Variants in STEAP1B observed in about 807,000 individuals in gnomAD.
The protein encoded by STEAP1B is STEAP family protein MGC87042.
In STEAP1B, 13 loss-of-function variants were observed where a neutral mutation model predicts 27.9. That is an observed-to-expected ratio of 0.47 (90% confidence interval 0.30 to 0.74). The LOEUF is 0.74. Among genes scored for constraint, STEAP1B ranks in the 30% least tolerant of loss-of-function variants. The pLI is 0.06. For synonymous variants in STEAP1B, 86 were observed against 107.1 expected, an observed-to-expected ratio of 0.80 and a Z score of 1.22; for missense variants, 250 against 298.7, an observed-to-expected ratio of 0.84 and a Z score of 1.20.
At chr7:22,495,955 C>CA (rs1452628045) in intron 1 of STEAP1B, among the ~76,000 whole-genome samples, 6 of 152,132 alleles carry the variant, frequency 3.9e-5, no homozygotes, top group African/African-American at 2.4e-5. Context: ...CTTCTACTTA[C>CA]AAAAAAAGAG....
At chr7:22,454,050 G>T (rs1309725893) in intron 4 of STEAP1B, among the ~76,000 whole-genome samples, 4 of 152,168 alleles carry the variant, frequency 2.6e-5, no homozygotes, top group Non-Finnish European at 5.9e-5. Flanking sequence ...CTTGGGTATT[G>T]TATCAGTCCA....
At chr7:22,437,175 A>G (rs750553532) in intron 4 of STEAP1B, among the ~76,000 whole-genome samples, 1 of 152,232 alleles carries the variant, frequency 6.6e-6, no homozygotes, top group Non-Finnish European at 1.5e-5. Flanking sequence ...TACATTATAA[A>G]CTATAGGCAC....
chr7:22,429,912 CAA>C (rs550380329), intron 4 of STEAP1B, among the ~76,000 whole-genome samples: 238 of 149,586 alleles, frequency 1.6e-3, no homozygotes, highest in Middle Eastern at 3.4e-3. Flanking sequence ...TAAAACCTTA[CAA>C]AAAAAAATGA....
At chr7:22,484,585 A>C (rs1298876139) in intron 4 of STEAP1B, among the ~76,000 whole-genome samples, 2 of 152,168 alleles carry the variant, frequency 1.3e-5, no homozygotes, top group Non-Finnish European at 1.5e-5. Flanking sequence ...TTTGTTTTTC[A>C]CACCTGCTAA....
chr7:22,483,636 C>G (rs562439334), intron 4 of STEAP1B, among the ~76,000 whole-genome samples: 2 of 152,232 alleles, frequency 1.3e-5, no homozygotes, highest in East Asian at 3.9e-4. Flanking sequence ...ATTATTGTAT[C>G]TGTGATGGTG....
intron 4 of STEAP1B, among the ~76,000 whole-genome samples, chr7:22,435,782 G>A (rs1465405164): frequency 2.0e-5 from 3 of 152,188 alleles, no homozygotes; most frequent in African/African-American, 4.8e-5. Context: ...CTCTCACCTG[G>A]ATGGGCTTCA....
At chr7:22,497,460 C>T (rs1786461122) in intron 1 of STEAP1B, among the ~76,000 whole-genome samples, 1 of 152,170 alleles carries the variant, frequency 6.6e-6, no homozygotes, top group Non-Finnish European at 1.5e-5. Context: ...ACAGTCAACA[C>T]ATTCCCTTTT....
chr7:22,494,750 A>T (rs1393336081), intron 2 of STEAP1B, 22 bp downstream of exon 2: 1 of 1,370,920 alleles, frequency 7.3e-7, no homozygotes, highest in Non-Finnish European at 1.0e-6. Flanking sequence ...ATTATTTATT[A>T]TTGTCATTAT....
chr7:22,492,349 G>GAAAAAAAAAAAA (rs1371957621), intron 4 of STEAP1B: 435 of 184,806 alleles, frequency 2.4e-3, no homozygotes, highest in South Asian at 5.0e-3. Context: ...AAAAAAAAAG[G>GAAAAAAAAAAAA]ATATTTTAAT....
At chr7:22,432,211 G>T (rs1461414726) in intron 4 of STEAP1B, among the ~76,000 whole-genome samples, 2 of 151,880 alleles carry the variant, frequency 1.3e-5, no homozygotes, top group African/African-American at 2.4e-5. Context: ...CTTGTGCCTT[G>T]ATTTTGAACT....
intron 4 of STEAP1B, 23 bp downstream of exon 4, chr7:22,492,542 G>C (rs1261707314): frequency 1.3e-6 from 2 of 1,559,612 alleles, no homozygotes; most frequent in Admixed American, 2.0e-5. Context: ...TTACCTCTTA[G>C]GGTTATTTTA....
rs1343416196 is a variant in STEAP1B, at chr7:22,429,331, A to G, written c.763-9495T>C. The stretch of plus-strand genomic sequence containing the variant: ...TGGTACACTCATCAAAGGAGATCAC[A>G]TTTCACTGAAAAATGAATAAACTAG... On this transcript the variant is annotated intron_variant, in intron 4 of 4. Coordinates refer to ENST00000678116, the MANE Select transcript of STEAP1B (RefSeq NM_001382447.1). Among the ~76,000 whole-genome samples the G allele has an allele frequency of 3.3e-5, 5 of 152,388 alleles. No individual in the cohort carries two copies. In the East Asian group the frequency reaches 9.6e-4, roughly 29 times the overall value.
At chr7:22,498,388 G>T (rs749897449) in intron 1 of STEAP1B, among the ~76,000 whole-genome samples, 303 of 152,262 alleles carry the variant, frequency 2.0e-3, no homozygotes, top group Non-Finnish European at 2.9e-3. Context: ...TTAATAGTTT[G>T]TGGGGTGGGG....
At chr7:22,435,873 T>C (rs190264528) in intron 4 of STEAP1B, among the ~76,000 whole-genome samples, 13 of 152,280 alleles carry the variant, frequency 8.5e-5, no homozygotes, top group Non-Finnish European at 1.6e-4. Context: ...CTTTATCAGC[T>C]CCACCCTACT....
intron 4 of STEAP1B, among the ~76,000 whole-genome samples, chr7:22,448,556 A>G (rs1190426657): frequency 1.3e-5 from 2 of 152,182 alleles, no homozygotes; most frequent in Non-Finnish European, 2.9e-5. Flanking sequence ...TTAAGACTTT[A>G]GATGTTAAAA....
intron 4 of STEAP1B, among the ~76,000 whole-genome samples, chr7:22,481,144 C>G (rs1010490389): frequency 6.6e-6 from 1 of 152,194 alleles, no homozygotes; most frequent in African/African-American, 2.4e-5. Context: ...CAAGTAGTGG[C>G]TGACCTTGAA....
intron 4 of STEAP1B, among the ~76,000 whole-genome samples, chr7:22,458,019 G>A (rs774469938): frequency 5.3e-5 from 8 of 152,194 alleles, no homozygotes; most frequent in African/African-American, 1.9e-4. Context: ...TTAATTTATT[G>A]TAAGTCCAGA....
chr7:22,439,737 T>C (rs2128401671), intron 4 of STEAP1B, among the ~76,000 whole-genome samples: 1 of 152,284 alleles, frequency 6.6e-6, no homozygotes, highest in East Asian at 1.9e-4. Context: ...GATATTCCAC[T>C]AAAGGAAATA....
intron 4 of STEAP1B, among the ~76,000 whole-genome samples, chr7:22,454,865 A>ATATATATTTTTT (rs1311730510): frequency 7.9e-6 from 1 of 126,148 alleles, no homozygotes; most frequent in African/African-American, 3.2e-5. Context: ...ATATATATAT[A>ATATATATTTTTT]TTTTTTTTTT....
Sources: gnomAD v4.1 joint callset for allele counts (sites outside exome capture counted in the v4.1 genomes callset) on GRCh38, gnomAD v4.1.1 for gene constraint, MANE v1.5 for transcripts, NCBI Gene and HGNC (gene_info 2026-07-23, HGNC 2026-07-21) for gene names.